The following NAGS variants were observed in gnomAD, a reference collection of about 807,000 sequenced individuals.
NAGS encodes the protein N-acetylglutamate synthase.
NAGS carries 34 observed loss-of-function variants against 46.9 expected under a neutral mutation model. The ratio of observed to expected loss-of-function variants is 0.72; its 90% CI spans 0.55 to 0.97. The LOEUF (loss-of-function observed/expected upper bound fraction) is 0.97. Ranked by LOEUF, NAGS falls within the 50% of genes least tolerant of loss-of-function variation. The probability of loss-of-function intolerance (pLI) is 0.00; values close to 1 mark genes in which losing one functional copy is unlikely to be tolerated. For synonymous variants in NAGS, 334 were observed against 346.3 expected (o/e 0.96, Z 0.39); for missense variants, 665 against 747.0 (o/e 0.89, Z 1.28).
chr17:44,007,385 G>A lies in NAGS; in HGVS notation c.1159G>A (p.Asp387Asn). ...ACGGGTGCGCAGCCTGGACAAGCTG[G>A]ACCAGGGCCGTCTAGTGGACCTGGT... ...MLRVRSLDKL[D>N]QGRLVDLVNA... The change falls in exon 5 of 7, where the codon GAC becomes AAC. Residue 387 changes from aspartate to asparagine, a missense_variant. By Grantham distance (23) the Asp-to-Asn change is conservative. Transcript: ENST00000293404. The surrounding 1 kb of genome is among the most constrained non-coding windows in gnomAD (Gnocchi z 5.1). 6.2e-7 allele frequency: 1 copy of A among 1,612,994 alleles called. No individual in the cohort carries two copies.
chr17:44,005,091 T>C lies in NAGS; in HGVS notation c.426+2T>C. ...GACAAGCCCTTCGCCGTCATCGAGG[T>C]GAGCGGAGCCCGGCGTGGGCCGTGA... is the stretch of plus-strand genomic sequence containing the variant. On this transcript the variant is annotated splice_donor_variant, in intron 1 of 6. Transcript: ENST00000293404. LOFTEE classifies it high-confidence loss of function. The surrounding 1 kb of genome is among the most constrained non-coding windows in gnomAD (Gnocchi z 7.2). The C allele has an allele frequency of 3.8e-6, 6 of 1,567,600 alleles. No homozygotes were observed. The highest frequency in any genetic ancestry group is 5.2e-6 in the Non-Finnish European group (6 of 1,160,492).
In NAGS at chr17:44,005,939, G is replaced by A. The variant is rs1455999850; in HGVS notation, c.701+28G>A. The A allele has an allele frequency of 9.0e-6, 14 of 1,549,030 alleles. No homozygotes were observed. The East Asian group carries it at 1.7e-4, about 19-fold the overall frequency. On this transcript the variant is annotated intron_variant, in intron 2 of 6. Transcript: ENST00000293404. This position sits in a 1 kb window ranked among gnomAD's most constrained non-coding sequence, Gnocchi z 7.2. The stretch of plus-strand genomic sequence containing the variant: ...GAGTGCCCGCCCTGCCCGCCCAGGC[G>A]TCCTCAGAGCGTGCTACTCTGCCCG...
At position 44,007,449 on chromosome 17, in the gene NAGS, T is replaced by C; in HGVS notation, c.1223T>C (p.Leu408Pro). The change falls in exon 5 of 7, where the codon CTG (leucine) becomes CCG (proline). Residue 408 changes from leucine (L) to proline (P), a missense_variant. Coordinates refer to ENST00000293404, the MANE Select transcript of NAGS (RefSeq NM_153006.3). The surrounding 1 kb of genome is among the most constrained non-coding windows in gnomAD (Gnocchi z 5.1). The stretch of plus-strand genomic sequence containing the variant: ...GGCAAGAAGCTCAGGGACGACTACC[T>C]GGCCTCGCTGCGCCCGCGGCTGCAC... ...SFGKKLRDDY[L>P]ASLRPRLHSI... 1 of 1,613,840 alleles carries C rather than the reference T, an allele frequency of 6.2e-7. No individual in the cohort carries two copies. Among genetic ancestry groups the C allele is most frequent in the Non-Finnish European group, 8.5e-7 (1 of 1,179,990 alleles).
chr17:44,006,310 C>A lies in NAGS; in HGVS notation c.915+73C>A. On this transcript the variant is annotated intron_variant, in intron 3 of 6. Coordinates refer to ENST00000293404, the MANE Select transcript of NAGS (RefSeq NM_153006.3). This position sits in a 1 kb window ranked among gnomAD's most constrained non-coding sequence, Gnocchi z 4.8. Reference sequence around the variant, plus strand: ...CTCTTGCGCCCCTCGCACTTCTCCCCGACGGGCCGCAGACTCACTAGCAAG... The same window carrying A: ...CTCTTGCGCCCCTCGCACTTCTCCCAGACGGGCCGCAGACTCACTAGCAAG... 6.4e-7 allele frequency: 1 copy of A among 1,554,072 alleles called. No individual in the cohort carries two copies. The highest frequency in any genetic ancestry group is 1.2e-5 in the South Asian group (1 of 86,334).
chr17:44,005,896 C>G lies in NAGS; in HGVS notation c.686C>G (p.Pro229Arg), dbSNP rs574809983. The part of the protein sequence containing the change: ...GGGSVLRAAE[P>R]APHASYGGIV... ...GGGTCTGTGCTACGCGCTGCCGAGCCGGCTCCCCATGCCAGGTGAGTGCCC... is the reference window on the plus strand; with the variant it reads ...GGGTCTGTGCTACGCGCTGCCGAGCGGGCTCCCCATGCCAGGTGAGTGCCC... Residue 229 changes from proline (P) to arginine (R), a missense_variant, in exon 2 of 7, where the codon CCG becomes CGG. Coordinates refer to ENST00000293404, the MANE Select transcript of NAGS (RefSeq NM_153006.3). This position sits in a 1 kb window ranked among gnomAD's most constrained non-coding sequence, Gnocchi z 7.2. The G allele has an allele frequency of 1.3e-6, 2 of 1,548,512 alleles. No individual in the cohort carries two copies. Among genetic ancestry groups the G allele is most frequent in the South Asian group, 2.4e-5 (2 of 84,636 alleles).
Position 44,006,660 on chromosome 17 carries a change from C to A in NAGS, c.1047C>A (p.Ala349=). 6.2e-7 allele frequency: 1 copy of A among 1,607,486 alleles called. No homozygotes were observed. The highest frequency in any genetic ancestry group is 2.2e-5 in the East Asian group (1 of 44,830). ...GCCGCCTGCCCCACCACTCCTCGGC[C>A]GTCATCACCGCCGCTAGCACGCTGC... ...VLSRLPHHSS[A]VITAASTLLT... is the part of the protein sequence containing the mutation. Residue 349 remains alanine, a synonymous_variant, in exon 4 of 7, where the codon GCC becomes GCA. Transcript: ENST00000293404. This position sits in a 1 kb window ranked among gnomAD's most constrained non-coding sequence, Gnocchi z 4.8.
Position 44,006,554 on chromosome 17 carries a change from C to G in NAGS, c.941C>G (p.Ala314Gly). The change falls in exon 4 of 7, where the codon GCC becomes GGC. Residue 314 changes from alanine to glycine, a missense_variant. Transcript: ENST00000293404. The surrounding 1 kb of genome is among the most constrained non-coding windows in gnomAD (Gnocchi z 4.8). ...HKVLSNVNLP[A>G]DLDLVCNAEW... ...GTCCTGAGTAACGTGAACCTGCCCG[C>G]CGACCTGGACCTGGTGTGCAACGCC... 6.4e-7 allele frequency: 1 copy of G among 1,563,158 alleles called. No individual in the cohort carries two copies. The highest frequency in any genetic ancestry group is 1.2e-5 in the South Asian group (1 of 85,534).
In NAGS at chr17:44,005,963, C is replaced by T. The variant is rs922472346; in HGVS notation, c.701+52C>T. Reference sequence around the variant, plus strand: ...CGTCCTCAGAGCGTGCTACTCTGCCCGCCCTGCCCCGTCCGGCAGGCCTGG... The same window carrying T: ...CGTCCTCAGAGCGTGCTACTCTGCCTGCCCTGCCCCGTCCGGCAGGCCTGG... On this transcript the variant is annotated intron_variant, in intron 2 of 6. Coordinates refer to ENST00000293404, the MANE Select transcript of NAGS (RefSeq NM_153006.3). This position sits in a 1 kb window ranked among gnomAD's most constrained non-coding sequence, Gnocchi z 7.2. 4 of 1,553,058 alleles carry T rather than the reference C, an allele frequency of 2.6e-6. No individual in the cohort carries two copies. Among genetic ancestry groups the T allele is most frequent in the South Asian group, 2.3e-5 (2 of 85,418 alleles).
rs1046309631 is a variant in NAGS, at chr17:44,008,852, C to T, written c.*251C>T. The T allele has an allele frequency of 1.7e-6, 1 of 572,412 alleles. No individual in the cohort carries two copies. Among genetic ancestry groups the T allele is most frequent in the Non-Finnish European group, 3.1e-6 (1 of 320,462 alleles). 35.5% of individuals were successfully genotyped at this position (572,412 alleles called of 1,614,324 possible). A position where few individuals can be genotyped will look rare whatever the true frequency, so the allele number is the denominator to read the frequency against. On this transcript the variant is annotated 3_prime_UTR_variant, in exon 7 of 7. Coordinates refer to ENST00000293404, the MANE Select transcript of NAGS (RefSeq NM_153006.3). ...CTACAACCAAATGGCCTTCGATTTT[C>T]AACCTGGGGATTAGGGGAGGGGAGG...
Position 44,005,974 on chromosome 17 carries a change from GT to G in NAGS, c.702-49del. The G allele has an allele frequency of 3.2e-6, 5 of 1,558,552 alleles. No individual in the cohort carries two copies. The highest frequency in any genetic ancestry group is 4.3e-6 in the Non-Finnish European group (5 of 1,155,350). On this transcript the variant is annotated intron_variant, in intron 2 of 6. Transcript: ENST00000293404. This position sits in a 1 kb window ranked among gnomAD's most constrained non-coding sequence, Gnocchi z 7.2. ...CGTGCTACTCTGCCCGCCCTGCCCC[GT>G]CCGGCAGGCCTGGAGGGGGCCCTCT... is the stretch of plus-strand genomic sequence containing the variant.
At position 44,007,278 on chromosome 17, in the gene NAGS, C is replaced by A; in HGVS notation, c.1097-45C>A. 1 of 1,602,586 alleles carries A rather than the reference C, an allele frequency of 6.2e-7. No individual in the cohort carries two copies. The highest frequency in any genetic ancestry group is 1.1e-5 in the South Asian group (1 of 89,566). The stretch of plus-strand genomic sequence containing the variant: ...TACCTGCAGTCCCCACCAGGCTGCG[C>A]AAACGGCCCTCCAGCCAGACTAGCC... On this transcript the variant is annotated intron_variant, in intron 4 of 6. Coordinates refer to ENST00000293404, the MANE Select transcript of NAGS (RefSeq NM_153006.3). The surrounding 1 kb of genome is among the most constrained non-coding windows in gnomAD (Gnocchi z 5.1).
At chr17:44,008,360 A>G (rs2049121562) in intron 6 of NAGS, 88 bp from the exon 7 acceptor site, 2 of 1,520,366 alleles carry the variant, frequency 1.3e-6, no homozygotes, top group Non-Finnish European at 1.8e-6. Flanking sequence ...TAGGTCCTCA[A>G]TCAATGTTTT....
chr17:44,006,701 G>C lies in NAGS; in HGVS notation c.1088G>C (p.Ser363Thr). Residue 363 changes from serine to threonine, a missense_variant, in exon 4 of 7, where the codon AGC (serine) becomes ACC (threonine). Ser to Thr is a moderately conservative substitution (Grantham distance 58). Transcript: ENST00000293404. This position sits in a 1 kb window ranked among gnomAD's most constrained non-coding sequence, Gnocchi z 4.8. Reference protein sequence around the residue: ...AASTLLTELFSNKGSGTLFKN... With the variant: ...AASTLLTELFTNKGSGTLFKN... ...AGCACGCTGCTCACTGAGCTCTTTAGCAACAAGGGTGAGGGCGGTGGGCGG... is the reference window on the plus strand; with the variant it reads ...AGCACGCTGCTCACTGAGCTCTTTACCAACAAGGGTGAGGGCGGTGGGCGG... 6.2e-7 allele frequency: 1 copy of C among 1,604,300 alleles called. No homozygotes were observed. The highest frequency in any genetic ancestry group is 8.5e-7 in the Non-Finnish European group (1 of 1,173,656).
rs1214880203 is a variant in NAGS, at chr17:44,005,994, G to A, written c.702-30G>A. The A allele has an allele frequency of 2.5e-6, 4 of 1,573,484 alleles. No individual in the cohort carries two copies. Among genetic ancestry groups the A allele is most frequent in the South Asian group, 1.1e-5 (1 of 87,014 alleles). The stretch of plus-strand genomic sequence containing the variant: ...GCCCCGTCCGGCAGGCCTGGAGGGG[G>A]CCCTCTCGAGCACCACGTCTGGCCC... On this transcript the variant is annotated intron_variant, in intron 2 of 6. Transcript: ENST00000293404. The surrounding 1 kb of genome is among the most constrained non-coding windows in gnomAD (Gnocchi z 7.2).
rs1470196740 is a variant in NAGS at position 44,005,746 on chromosome 17, C to T, written c.536C>T (p.Ala179Val). ...MKPLVVLGLP[A>V]PTAPSGCLSF... ...CCGCTGGTGGTCCTGGGGCTGCCGG[C>T]CCCTACGGCTCCCTCGGGCTGTCTT... Residue 179 changes from alanine (A) to valine (V), a missense_variant, in exon 2 of 7, where the codon GCC becomes GTC. Transcript: ENST00000293404. This position sits in a 1 kb window ranked among gnomAD's most constrained non-coding sequence, Gnocchi z 7.2. The T allele has an allele frequency of 3.1e-6, 5 of 1,591,806 alleles. No individual in the cohort carries two copies. The highest frequency in any genetic ancestry group is 3.6e-5 in the Admixed American group (2 of 56,232).
Position 44,004,705 on chromosome 17 carries a change from T to C in NAGS, c.42T>C (p.Ala14=), listed in dbSNP as rs752217893. ...ALMAVVLRAA[A]VAPRLRGRGG... ...TGGCTGTGGTTCTGCGGGCAGCTGC[T>C]GTAGCCCCGAGGCTGAGAGGCCGGG... Residue 14 remains alanine (A), a synonymous_variant, in exon 1 of 7, where the codon GCT becomes GCC. Transcript: ENST00000293404. 1.1e-5 allele frequency: 16 copies of C among 1,520,506 alleles called. No homozygotes were observed. Among genetic ancestry groups the C allele is most frequent in the African/African-American group, 1.4e-5 (1 of 70,254 alleles). 94.2% of individuals were successfully genotyped at this position (1,520,506 alleles called of 1,614,324 possible).
In NAGS at chr17:44,004,826, C is replaced by A; in HGVS notation, c.163C>A (p.Gln55Lys). The A allele has an allele frequency of 1.3e-6, 2 of 1,488,596 alleles. No homozygotes were observed. The highest frequency in any genetic ancestry group is 1.8e-6 in the Non-Finnish European group (2 of 1,124,428). 92.2% of individuals were successfully genotyped at this position (1,488,596 alleles called of 1,614,324 possible). Residue 55 changes from glutamine (Q) to lysine (K), a missense_variant, in exon 1 of 7, where the codon CAG becomes AAG. Gln to Lys is a moderately conservative substitution (Grantham distance 53). Transcript: ENST00000293404. ...PGRRLSTAWS[Q>K]PQPPPEEYAG... ...GCGCCGGCTCAGCACCGCCTGGTCG[C>A]AGCCCCAGCCCCCGCCCGAGGAGTA...
chr17:44,007,600 C>T lies in NAGS; in HGVS notation c.1278C>T (p.Ala426=), dbSNP rs1189094417. 1.2e-6 allele frequency: 2 copies of T among 1,609,144 alleles called. No individual in the cohort carries two copies. Among genetic ancestry groups the T allele is most frequent in the African/African-American group, 1.3e-5 (1 of 74,922 alleles). The change falls in exon 6 of 7, where the codon GCC becomes GCT. Residue 426 remains alanine (A), a synonymous_variant. Transcript: ENST00000293404. This position sits in a 1 kb window ranked among gnomAD's most constrained non-coding sequence, Gnocchi z 5.1. ...HSIYVSEGYN[A]AAILTMEPVL... ...TCTCCCGCTGCGCCAGGTACAACGCCGCCGCCATTCTGACCATGGAGCCCG... is the reference window on the plus strand; with the variant it reads ...TCTCCCGCTGCGCCAGGTACAACGCTGCCGCCATTCTGACCATGGAGCCCG...
At position 44,007,857 on chromosome 17, in the gene NAGS, G is replaced by A; in HGVS notation, c.1451+84G>A. Reference sequence around the variant, plus strand: ...CTTGCCAACCATGCCAAGAAGGCTGGGCTTCCTCTTCTTCCACTGGTCTCC... The same window carrying A: ...CTTGCCAACCATGCCAAGAAGGCTGAGCTTCCTCTTCTTCCACTGGTCTCC... On this transcript the variant is annotated intron_variant, in intron 6 of 6. Transcript: ENST00000293404. The surrounding 1 kb of genome is among the most constrained non-coding windows in gnomAD (Gnocchi z 5.1). The A allele has an allele frequency of 3.6e-6, 5 of 1,407,640 alleles. No homozygotes were observed. Among genetic ancestry groups the A allele is most frequent in the South Asian group, 2.5e-5 (2 of 80,800 alleles). 87.2% of individuals were successfully genotyped at this position (1,407,640 alleles called of 1,614,324 possible).
Sources: allele counts gnomAD v4.1 joint callset, GRCh38; gene constraint gnomAD v4.1.1; non-coding constraint Gnocchi (gnomAD v3.1); transcripts MANE v1.5; gene names NCBI Gene and HGNC (gene_info 2026-07-23, HGNC 2026-07-21).